ADK: variants seen among roughly 807,000 people sequenced by gnomAD.
ADK encodes adenosine kinase, also known as N6,N6-dimethyladenosine kinase.
A neutral mutation model predicts 44.7 loss-of-function variants in ADK; 24 were observed. The observed-to-expected ratio is 0.54, with a 90% confidence interval of 0.39 to 0.76. The LOEUF (loss-of-function observed/expected upper bound fraction) is 0.76. Ranked by LOEUF, ADK falls within the 30% of genes least tolerant of loss-of-function variation. The pLI, the probability that ADK is intolerant of heterozygous loss-of-function variation, is 0.00. For synonymous variants in ADK, 128 were observed against 142.6 expected, an observed-to-expected ratio of 0.90 and a Z score of 0.73; for missense variants, 321 against 425.1, an observed-to-expected ratio of 0.76 and a Z score of 2.15.
intron 10 of ADK, among the ~76,000 whole-genome samples, chr10:74,696,484 G>A (rs1353040899): frequency 6.6e-6 from 1 of 151,140 alleles, no homozygotes. Flanking sequence ...TCCTGCCTCA[G>A]CCTCCCGAGT....
At position 74,288,404 on chromosome 10, in the gene ADK, C is replaced by G. The variant is rs573961655; in HGVS notation, c.195-26263C>G. 2.6e-5 allele frequency among the ~76,000 whole-genome samples: 4 copies of G among 152,278 alleles called. No individual in the cohort carries two copies. The South Asian group carries it at 6.2e-4, about 24-fold the overall frequency. ...GTGGCTCATGCCTGTAATCCCAGCA[C>G]TTCGGGAGGCTGAGGCAGGCGGATC... On this transcript the variant is annotated intron_variant, in intron 3 of 10. Coordinates refer to ENST00000539909, the MANE Select transcript of ADK (RefSeq NM_006721.4).
chr10:74,418,458 AT>A (rs1844448081), intron 6 of ADK, among the ~76,000 whole-genome samples: 2 of 152,180 alleles, frequency 1.3e-5, no homozygotes, highest in Non-Finnish European at 2.9e-5. Flanking sequence ...CACAAAGAAA[AT>A]GTTGAACAGG....
intron 1 of ADK, among the ~76,000 whole-genome samples, chr10:74,157,673 A>G (rs10762577): frequency 0.74 from 110,692 of 150,160 alleles, 41,557 homozygotes; most frequent in Middle Eastern, 0.85. Flanking sequence ...GAGGTTGGGA[A>G]TTTGAGACCA....
chr10:74,332,956 T>C (rs1240307793), intron 4 of ADK, among the ~76,000 whole-genome samples: 1 of 152,218 alleles, frequency 6.6e-6, no homozygotes, highest in Non-Finnish European at 1.5e-5. Flanking sequence ...TTTAGATCAT[T>C]TTAGATGTGG....
intron 6 of ADK, among the ~76,000 whole-genome samples, chr10:74,514,244 G>T (rs1848472517): frequency 6.6e-6 from 1 of 152,014 alleles, no homozygotes; most frequent in Non-Finnish European, 1.5e-5. Flanking sequence ...TTCTTTCTTT[G>T]TCTTTGACTT....
chr10:74,312,536 C>CA (rs1364043822), intron 3 of ADK, among the ~76,000 whole-genome samples: 2 of 149,166 alleles, frequency 1.3e-5, no homozygotes, highest in African/African-American at 5.0e-5. Flanking sequence ...TTATAAAAAA[C>CA]AAAAGTAAAC....
Position 74,316,482 on chromosome 10 carries a change from T to G in ADK, c.273+1737T>G, listed in dbSNP as rs540495939. Among the ~76,000 whole-genome samples the G allele has an allele frequency of 4.6e-5, 7 of 152,294 alleles. No individual in the cohort carries two copies. In the South Asian group the frequency reaches 1.4e-3, roughly 32 times the overall value. ...AGTTTCCTTCATGCTATTCTCCTGA[T>G]AGTGAGTGAGTTCTCACAAGATCTG... On this transcript the variant is annotated intron_variant, in intron 4 of 10. Transcript: ENST00000539909.
rs201718158 is a variant in ADK at position 74,667,442 on chromosome 10, G to GTATA, written c.878-2740_878-2739insATAT. Reference sequence around the variant, plus strand: ...TAAAGTATCTCAATGATGTGTGTGTGTGTATATATATATATATATCTCCAG... The same window carrying GTATA: ...TAAAGTATCTCAATGATGTGTGTGTGTATATGTATATATATATATATATCTCCAG... On this transcript the variant is annotated intron_variant, in intron 9 of 10. Coordinates refer to ENST00000539909, the MANE Select transcript of ADK (RefSeq NM_006721.4). Among the ~76,000 whole-genome samples, 769 of 151,572 alleles carry GTATA rather than the reference G, an allele frequency of 5.1e-3. 8 individuals are homozygous for GTATA. The highest frequency in any genetic ancestry group is 0.018 in the African/African-American group (729 of 41,208).
At chr10:74,516,679 A>C (rs1837199470) in intron 6 of ADK, 1 of 151,850 alleles carries the variant, frequency 6.6e-6, no homozygotes, top group Admixed American at 6.6e-5. Context: ...ACCCACCACC[A>C]CACCCAACTA....
intron 6 of ADK, among the ~76,000 whole-genome samples, chr10:74,491,748 T>C (rs1847496418): frequency 6.6e-6 from 1 of 152,182 alleles, no homozygotes; most frequent in Admixed American, 6.5e-5. Context: ...ACTAAGTAGA[T>C]AAGTGGGAGT....
intron 7 of ADK, among the ~76,000 whole-genome samples, chr10:74,566,129 C>G (rs1285591660): frequency 6.6e-6 from 1 of 151,710 alleles, no homozygotes; most frequent in African/African-American, 2.4e-5. Context: ...AGTACATTCA[C>G]TTTCAACTTG....
chr10:74,707,117 C>T (rs1321003712), intron 10 of ADK, among the ~76,000 whole-genome samples: 1 of 152,182 alleles, frequency 6.6e-6, no homozygotes, highest in Non-Finnish European at 1.5e-5. Context: ...CTAACCACAG[C>T]CGCAACCTTC....
At chr10:74,193,772 AAAAG>A (rs1440920363) in intron 1 of ADK, among the ~76,000 whole-genome samples, 2 of 152,208 alleles carry the variant, frequency 1.3e-5, no homozygotes, top group East Asian at 3.8e-4. Context: ...CTGTCTCAAA[AAAAG>A]AAAGAAACAA....
chr10:74,457,979 C>T (rs1034819477), intron 6 of ADK, among the ~76,000 whole-genome samples: 14 of 151,736 alleles, frequency 9.2e-5, no homozygotes, highest in Non-Finnish European at 1.3e-4. Context: ...AACAAACCTG[C>T]GTGTTCTGCA....
At chr10:74,185,729 G>T (rs553353548) in intron 1 of ADK, among the ~76,000 whole-genome samples, 2 of 144,072 alleles carry the variant, frequency 1.4e-5, no homozygotes, top group South Asian at 2.2e-4. Flanking sequence ...CCAGCTACTC[G>T]GGAGGCTGAG....
intron 9 of ADK, among the ~76,000 whole-genome samples, chr10:74,647,231 A>G (rs1854085295): frequency 6.6e-6 from 1 of 152,148 alleles, no homozygotes; most frequent in South Asian, 2.1e-4. Flanking sequence ...GAAGGAAGGA[A>G]AAAAAAGATA....
intron 3 of ADK, among the ~76,000 whole-genome samples, chr10:74,266,627 A>G (rs914178386): frequency 6.6e-6 from 1 of 152,164 alleles, no homozygotes; most frequent in African/African-American, 2.4e-5. Flanking sequence ...CTTATTGAGT[A>G]TAACCCATAG....
At chr10:74,678,302 C>G (rs1375072899) in intron 10 of ADK, among the ~76,000 whole-genome samples, 1 of 152,126 alleles carries the variant, frequency 6.6e-6, no homozygotes, top group East Asian at 1.9e-4. Context: ...CAAGCTGAAG[C>G]TAGACCAGCA....
chr10:74,431,457 G>A (rs1362694545), intron 6 of ADK, among the ~76,000 whole-genome samples: 1 of 152,162 alleles, frequency 6.6e-6, no homozygotes, highest in Non-Finnish European at 1.5e-5. Flanking sequence ...AAATGCATCT[G>A]AGGCCGGGCA....
Sources: allele counts gnomAD v4.1 joint callset (sites outside exome capture counted in the v4.1 genomes callset), GRCh38; gene constraint gnomAD v4.1.1; transcripts MANE v1.5; gene names NCBI Gene and HGNC (gene_info 2026-07-23, HGNC 2026-07-21).